PLPPR1: variants seen among roughly 807,000 people sequenced by gnomAD.
PLPPR1 encodes phospholipid phosphatase related 1, also known as phospholipid phosphatase-related protein type 1.
In PLPPR1, 10 loss-of-function variants were observed where a neutral mutation model predicts 33.1. That is an observed-to-expected ratio of 0.30 (90% CI 0.19 to 0.51). The LOEUF (loss-of-function observed/expected upper bound fraction) is 0.51, where lower values mean the gene tolerates loss of function less well. Ranked by LOEUF, PLPPR1 falls within the 20% of genes least tolerant of loss-of-function variation. PLPPR1 has a pLI of 0.97. For missense variants in PLPPR1, 304 were observed against 408.1 expected (o/e 0.74, Z 2.20); for synonymous variants, 151 against 151.0 (o/e 1.00, Z 0.00).
intron 1 of PLPPR1, 107 bp downstream of exon 1, chr9:101,029,209 G>A (rs1829909110): frequency 6.5e-6 from 1 of 153,808 alleles, no homozygotes; most frequent in African/African-American, 2.4e-5. Context: ...GGTGTCCCAT[G>A]CCTTGCTTGT....
chr9:101,100,193 G>A (rs7849406), intron 1 of PLPPR1, among the ~76,000 whole-genome samples: 3 of 151,822 alleles, frequency 2.0e-5, no homozygotes, highest in East Asian at 3.9e-4. Context: ...AATTTAGAAC[G>A]CAGCAAAGTA....
intron 2 of PLPPR1, among the ~76,000 whole-genome samples, chr9:101,230,536 T>A (rs1827160446): frequency 6.6e-6 from 1 of 152,128 alleles, no homozygotes; most frequent in South Asian, 2.1e-4. Flanking sequence ...GAAATATGTG[T>A]TCTAGTCTGT....
At chr9:101,275,844 T>A (rs1285137576) in intron 3 of PLPPR1, among the ~76,000 whole-genome samples, 1 of 152,178 alleles carries the variant, frequency 6.6e-6, no homozygotes, top group South Asian at 2.1e-4. Context: ...AGCTCACATT[T>A]TGTATGCAAG....
At chr9:101,045,702 T>C (rs958346354) in intron 1 of PLPPR1, among the ~76,000 whole-genome samples, 2 of 152,208 alleles carry the variant, frequency 1.3e-5, no homozygotes, top group African/African-American at 4.8e-5. Flanking sequence ...GGACATAGTA[T>C]AGGATAATAG....
At chr9:101,297,907 G>T (rs1458258490) in intron 4 of PLPPR1, among the ~76,000 whole-genome samples, 1 of 151,964 alleles carries the variant, frequency 6.6e-6, no homozygotes, top group Non-Finnish European at 1.5e-5. Flanking sequence ...TTTTTCAGTG[G>T]CAATGACTAA....
chr9:101,147,234 T>C (rs1195804776), intron 1 of PLPPR1, among the ~76,000 whole-genome samples: 3 of 152,160 alleles, frequency 2.0e-5, no homozygotes, highest in Non-Finnish European at 4.4e-5. Context: ...TCTGCACATT[T>C]ATAATTTGTA....
At chr9:101,141,647 C>T (rs1457116859) in intron 1 of PLPPR1, among the ~76,000 whole-genome samples, 1 of 152,102 alleles carries the variant, frequency 6.6e-6, no homozygotes, top group Non-Finnish European at 1.5e-5. Flanking sequence ...GAATCCAACC[C>T]TTAGTTCTTA....
chr9:101,212,607 T>A (rs895767547), intron 2 of PLPPR1, among the ~76,000 whole-genome samples: 1 of 152,194 alleles, frequency 6.6e-6, no homozygotes, highest in Non-Finnish European at 1.5e-5. Flanking sequence ...ATCAAACTCT[T>A]GAGAGAAAAA....
At chr9:101,207,522 C>T (rs1041215517) in intron 2 of PLPPR1, among the ~76,000 whole-genome samples, 7 of 152,052 alleles carry the variant, frequency 4.6e-5, no homozygotes, top group South Asian at 2.1e-4. Flanking sequence ...GTTCCAGGGG[C>T]CTGAGATGAA....
chr9:101,292,165 G>A (rs1022675414), intron 4 of PLPPR1, among the ~76,000 whole-genome samples: 37 of 152,274 alleles, frequency 2.4e-4, no homozygotes, highest in African/African-American at 7.5e-4. Flanking sequence ...AGGAGCCGAC[G>A]CAATCAACTG....
At chr9:101,147,156 A>G (rs1320922867) in intron 1 of PLPPR1, among the ~76,000 whole-genome samples, 1 of 152,078 alleles carries the variant, frequency 6.6e-6, no homozygotes, top group African/African-American at 2.4e-5. Context: ...AACTTCACTC[A>G]CAAGTTGTTC....
In PLPPR1 at chr9:101,316,481, G is replaced by A. The variant is rs575258791; in HGVS notation, c.814-884G>A. ...AAAAGCTGAGTGTAAGAGTGAGATG[G>A]AGATGAGCCAGGTAGAGAGGATGCA... On this transcript the variant is annotated intron_variant, in intron 6 of 7. Transcript: ENST00000374874. Among the ~76,000 whole-genome samples, 21 of 151,804 alleles carry A rather than the reference G, an allele frequency of 1.4e-4. No individual in the cohort carries two copies. In the East Asian group the frequency reaches 4.1e-3, roughly 29 times the overall value.
At chr9:101,300,002 G>GT (rs11410642) in intron 4 of PLPPR1, among the ~76,000 whole-genome samples, 14,448 of 151,936 alleles carry the variant, frequency 0.095, 1,518 homozygotes, top group African/African-American at 0.26. Flanking sequence ...TTTTGTAAAG[G>GT]TTTTTTTAAG....
At chr9:101,253,673 T>C (rs1473833264) in intron 2 of PLPPR1, among the ~76,000 whole-genome samples, 1 of 152,198 alleles carries the variant, frequency 6.6e-6, no homozygotes. Flanking sequence ...TATTATCAAA[T>C]GCCACCTTTT....
chr9:101,075,077 A>G (rs565268030), intron 1 of PLPPR1, among the ~76,000 whole-genome samples: 1 of 152,332 alleles, frequency 6.6e-6, no homozygotes, highest in East Asian at 1.9e-4. Flanking sequence ...GTTTATGTTA[A>G]GAGCTGGAGA....
chr9:101,318,856 A>C (rs1307353867), intron 7 of PLPPR1, among the ~76,000 whole-genome samples: 1 of 152,178 alleles, frequency 6.6e-6, no homozygotes, highest in Non-Finnish European at 1.5e-5. Flanking sequence ...ATAGGTAGCA[A>C]GTAGGAAAGC....
At chr9:101,173,503 T>C (rs2118694105) in intron 1 of PLPPR1, among the ~76,000 whole-genome samples, 1 of 152,260 alleles carries the variant, frequency 6.6e-6, no homozygotes, top group Non-Finnish European at 1.5e-5. Flanking sequence ...AGTGTTTTAG[T>C]ATCACCCGTA....
chr9:101,226,327 T>G (rs938721484), intron 2 of PLPPR1, among the ~76,000 whole-genome samples: 13 of 152,120 alleles, frequency 8.5e-5, no homozygotes, highest in Non-Finnish European at 1.8e-4. Context: ...AGGGCTTGAG[T>G]GTGCCTTAGT....
chr9:101,294,675 C>T (rs1249476751), intron 4 of PLPPR1, among the ~76,000 whole-genome samples: 2 of 152,118 alleles, frequency 1.3e-5, no homozygotes, highest in Non-Finnish European at 2.9e-5. Context: ...TGTAATCTAG[C>T]ATATAAACAG....
Sources: gnomAD v4.1 joint callset for allele counts (sites outside exome capture counted in the v4.1 genomes callset) on GRCh38, gnomAD v4.1.1 for gene constraint, MANE v1.5 for transcripts, NCBI Gene and HGNC (gene_info 2026-07-23, HGNC 2026-07-21) for gene names.